Variants in TPH2 observed in about 807,000 individuals in gnomAD.
TPH2 encodes tryptophan 5-hydroxylase 2.
TPH2 carries 27 observed loss-of-function variants against 59.1 expected under a neutral mutation model. The observed-to-expected ratio is 0.46, with a 90% CI of 0.34 to 0.63. TPH2 has a LOEUF of 0.63. Among genes scored for constraint, TPH2 ranks in the 30% least tolerant of loss-of-function variants. The pLI is 0.01. For synonymous variants in TPH2, 220 were observed against 210.5 expected, an observed-to-expected ratio of 1.05 and a Z score of -0.39; for missense variants, 523 against 588.3, an observed-to-expected ratio of 0.89 and a Z score of 1.15.
chr12:72,023,848 T>C (rs1276498607), intron 9 of TPH2, among the ~76,000 whole-genome samples: 1 of 67,778 alleles, frequency 1.5e-5, no homozygotes, highest in African/African-American at 4.9e-5. Flanking sequence ...AAAATAATGA[T>C]AACAGCCAGA....
At chr12:72,028,362 A>G (rs1016286437) in intron 9 of TPH2, among the ~76,000 whole-genome samples, 2 of 152,134 alleles carry the variant, frequency 1.3e-5, no homozygotes, top group Non-Finnish European at 2.9e-5. Context: ...TGCTCCCCAA[A>G]ACTGAGGGGC....
At chr12:72,003,635 C>T (rs1466546038) in intron 8 of TPH2, among the ~76,000 whole-genome samples, 1 of 152,012 alleles carries the variant, frequency 6.6e-6, no homozygotes, top group Non-Finnish European at 1.5e-5. Context: ...ATATTGTAGC[C>T]CAGGCTGTTT....
At chr12:71,996,690 A>T (rs1872702477) in intron 8 of TPH2, among the ~76,000 whole-genome samples, 1 of 152,150 alleles carries the variant, frequency 6.6e-6, no homozygotes, top group African/African-American at 2.4e-5. Flanking sequence ...GCATGTGTGC[A>T]TGTGAACATG....
chr12:71,952,091 T>A (rs1351568221), intron 5 of TPH2, among the ~76,000 whole-genome samples: 2 of 152,196 alleles, frequency 1.3e-5, no homozygotes, highest in Non-Finnish European at 2.9e-5. Flanking sequence ...ACCAGTTTCA[T>A]GGAACTTTGG....
chr12:71,968,077 T>G (rs553066004), intron 5 of TPH2, among the ~76,000 whole-genome samples: 1 of 152,174 alleles, frequency 6.6e-6, no homozygotes, highest in South Asian at 2.1e-4. Flanking sequence ...CCCTTTTACA[T>G]GCTTGCTGGA....
intron 6 of TPH2, among the ~76,000 whole-genome samples, chr12:71,976,910 T>G (rs576149619): frequency 1.3e-5 from 2 of 152,306 alleles, no homozygotes; most frequent in South Asian, 4.1e-4. Flanking sequence ...ATCTCATATG[T>G]GGAATTTGGA....
At chr12:71,988,699 A>G (rs1256743909) in intron 7 of TPH2, among the ~76,000 whole-genome samples, 2 of 152,204 alleles carry the variant, frequency 1.3e-5, no homozygotes, top group African/African-American at 2.4e-5. Context: ...GGCTGGGTAC[A>G]AATATCTAAG....
chr12:71,949,672 CTCTTTCTTG>C lies in TPH2; in HGVS notation c.608+20_608+28del. The stretch of plus-strand genomic sequence containing the variant: ...TTATAAATAGTAAGTACCTGTATAA[CTCTTTCTTG>C]TCACTGGCTAGTTAGGAAAAACACA... On this transcript the variant is annotated intron_variant, in intron 5 of 10. Transcript: ENST00000333850. 1 of 1,602,418 alleles carries C rather than the reference CTCTTTCTTG, an allele frequency of 6.2e-7. No homozygotes were observed.
intron 8 of TPH2, among the ~76,000 whole-genome samples, chr12:71,998,698 G>A (rs1872751889): frequency 6.6e-6 from 1 of 152,180 alleles, no homozygotes; most frequent in East Asian, 1.9e-4. Context: ...ATGGCAGGGG[G>A]ATAATGGTAG....
intron 5 of TPH2, among the ~76,000 whole-genome samples, chr12:71,953,360 T>A (rs1434383371): frequency 6.6e-6 from 1 of 152,022 alleles, no homozygotes; most frequent in Non-Finnish European, 1.5e-5. Flanking sequence ...GAGTATGAGT[T>A]TGAGGATGGA....
At chr12:71,939,720 GT>G (rs1299069329) in intron 1 of TPH2, among the ~76,000 whole-genome samples, 15 of 152,126 alleles carry the variant, frequency 9.9e-5, no homozygotes, top group Admixed American at 9.8e-4. Context: ...ATTTAAGGGA[GT>G]TTTATGTTTA....
chr12:71,960,320 A>G (rs1049302735), intron 5 of TPH2, among the ~76,000 whole-genome samples: 23 of 152,192 alleles, frequency 1.5e-4, no homozygotes, highest in African/African-American at 5.3e-4. Context: ...TCCATTTGAC[A>G]TAGGTGGTAT....
At chr12:72,009,142 T>G (rs913977651) in intron 8 of TPH2, among the ~76,000 whole-genome samples, 1 of 152,172 alleles carries the variant, frequency 6.6e-6, no homozygotes, top group African/African-American at 2.4e-5. Flanking sequence ...GCTGAGTTGC[T>G]GTTGTTCCCT....
At chr12:72,015,315 GTTTTTTTTTTTT>G (rs869231666) in intron 8 of TPH2, among the ~76,000 whole-genome samples, 2 of 98,974 alleles carry the variant, frequency 2.0e-5, no homozygotes, top group Non-Finnish European at 4.1e-5. Context: ...TTTTTTGGTT[GTTTTTTTTTTTT>G]TTTTTTTTTT....
intron 8 of TPH2, among the ~76,000 whole-genome samples, chr12:71,995,126 C>A (rs1046454466): frequency 6.6e-6 from 1 of 152,114 alleles, no homozygotes; most frequent in African/African-American, 2.4e-5. Flanking sequence ...TGAGGCTCAA[C>A]AATTATTCTA....
At position 71,941,532 on chromosome 12, in the gene TPH2, T is replaced by C. The variant is rs1361966170; in HGVS notation, c.106-52T>C. On this transcript the variant is annotated intron_variant, in intron 1 of 10. Transcript: ENST00000333850. ...ATGGGAAAAATCTAATTACGGAGGA[T>C]TCTGGAACCCTAACTAATATTTTGT... The C allele has an allele frequency of 5.7e-6, 9 of 1,584,510 alleles. No individual in the cohort carries two copies. In the East Asian group the frequency reaches 1.4e-4, roughly 25 times the overall value.
chr12:72,027,959 G>A lies in TPH2; in HGVS notation c.1165-3299G>A, dbSNP rs538585177. ...AGATAAAGCTGCAGCCCAACATGGG[G>A]TAGTTTCACTCATTTGATATTATAC... is the stretch of plus-strand genomic sequence containing the variant. On this transcript the variant is annotated intron_variant, in intron 9 of 10. Transcript: ENST00000333850. Among the ~76,000 whole-genome samples, 3 of 152,280 alleles carry A rather than the reference G, an allele frequency of 2.0e-5. No individual in the cohort carries two copies. In the South Asian group the frequency reaches 6.2e-4, roughly 32 times the overall value.
In TPH2 at chr12:72,022,472, T is replaced by G; in HGVS notation, c.1142T>G (p.Leu381Arg). 1 of 1,613,464 alleles carries G rather than the reference T, an allele frequency of 6.2e-7. No individual in the cohort carries two copies. Among genetic ancestry groups the G allele is most frequent in the Non-Finnish European group, 8.5e-7 (1 of 1,179,380 alleles). The stretch of plus-strand genomic sequence containing the variant: ...CTGCGGGCATATGGAGCAGGACTCC[T>G]TTCCTCCATTGGAGAATTAAAGGTA... ...GQLRAYGAGL[L>R]SSIGELKHAL... is the part of the protein sequence containing the mutation. The change falls in exon 9 of 11, where the codon CTT becomes CGT. Residue 381 changes from leucine to arginine, a missense_variant. Physicochemically the swap from Leu to Arg is moderately radical, Grantham distance 102. Coordinates refer to ENST00000333850, the MANE Select transcript of TPH2 (RefSeq NM_173353.4).
At chr12:72,015,948 T>G (rs1259732590) in intron 8 of TPH2, among the ~76,000 whole-genome samples, 1 of 152,190 alleles carries the variant, frequency 6.6e-6, no homozygotes, top group Non-Finnish European at 1.5e-5. Context: ...ATTTCAGTAT[T>G]TCAACAACAG....
Sources: allele counts gnomAD v4.1 joint callset (sites outside exome capture counted in the v4.1 genomes callset), GRCh38; gene constraint gnomAD v4.1.1; transcripts MANE v1.5; gene names NCBI Gene and HGNC (gene_info 2026-07-23, HGNC 2026-07-21).